The following SLC47A1 variants were observed in gnomAD, a reference collection of about 807,000 sequenced individuals.
SLC47A1 encodes multidrug and toxin extrusion protein 1.
In SLC47A1, 58 loss-of-function variants were observed where a neutral mutation model predicts 65.8. The observed-to-expected ratio is 0.88, with a 90% CI of 0.71 to 1.10. The LOEUF is 1.10. Among genes scored for constraint, SLC47A1 ranks in the 50% least tolerant of loss-of-function variants. SLC47A1 has a pLI of 0.00. For synonymous variants in SLC47A1, 285 were observed against 295.0 expected, an observed-to-expected ratio of 0.97 and a Z score of 0.35; for missense variants, 706 against 719.2, an observed-to-expected ratio of 0.98 and a Z score of 0.21.
chr17:19,572,376 C>T (rs1222194023), intron 15 of SLC47A1, among the ~76,000 whole-genome samples: 1 of 152,138 alleles, frequency 6.6e-6, no homozygotes, highest in Non-Finnish European at 1.5e-5. Context: ...TCGCTGGAGT[C>T]TCAACCTCCT....
chr17:19,534,203 A>G, intron 1 of SLC47A1, 129 bp downstream of exon 1: 1 of 1,246,972 alleles, frequency 8.0e-7, no homozygotes, highest in South Asian at 1.8e-5. Flanking sequence ...TCCGGGGAGC[A>G]TCGTGCCAGG....
chr17:19,557,724 A>C (rs1322874207), intron 10 of SLC47A1: 2 of 447,152 alleles, frequency 4.5e-6, no homozygotes, highest in Admixed American at 2.5e-5. Flanking sequence ...CACAACACAC[A>C]GGGTTTTTCT....
chr17:19,560,227 G>A lies in SLC47A1; in HGVS notation c.961G>A (p.Gly321Arg). The change falls in exon 11 of 17, where the codon GGA becomes AGA. Residue 321 changes from glycine to arginine, a missense_variant. Transcript: ENST00000270570. ...CAGTGTGGCTGCCAGTGTCCGGGTAGGAAACGCTCTGGGTGCTGGAGACAT... is the reference window on the plus strand; with the variant it reads ...CAGTGTGGCTGCCAGTGTCCGGGTAAGAAACGCTCTGGGTGCTGGAGACAT... ...GFSVAASVRVGNALGAGDMEQ... is the reference protein window; with the variant it reads ...GFSVAASVRVRNALGAGDMEQ... The A allele has an allele frequency of 6.2e-7, 1 of 1,613,498 alleles. No homozygotes were observed.
At position 19,577,386 on chromosome 17, in the gene SLC47A1, C is replaced by T. The variant is rs768010759; in HGVS notation, c.1546C>T (p.Gln516Ter). 6.2e-7 allele frequency: 1 copy of T among 1,614,196 alleles called. No individual in the cohort carries two copies. Among genetic ancestry groups the T allele is most frequent in the East Asian group, 2.2e-5 (1 of 44,878 alleles). Residue 516 changes from glutamine (Q) to a stop codon, truncating the protein, a stop_gained, in exon 17 of 17, where the codon CAG (glutamine) becomes TAG (stop). Transcript: ENST00000270570. LOFTEE classifies it low-confidence loss of function (END_TRUNC). The stretch of plus-strand genomic sequence containing the variant: ...CGATGTTGGAAAGACAGGCGAGCCT[C>T]AGTCAGATCAGCAGATGCGCCAAGA... ...TNDVGKTGEPQSDQQMRQEEP... is the reference protein window; with the variant it reads ...TNDVGKTGEP
chr17:19,569,279 C>T (rs1010455453), intron 14 of SLC47A1, among the ~76,000 whole-genome samples: 7 of 151,532 alleles, frequency 4.6e-5, no homozygotes, highest in African/African-American at 1.7e-4. Flanking sequence ...GGCTGAGGCA[C>T]AAGAATTGCT....
intron 15 of SLC47A1, 52 bp from the exon 16 acceptor site, chr17:19,572,728 A>G (rs1386665754): frequency 4.5e-6 from 7 of 1,558,822 alleles, no homozygotes; most frequent in Non-Finnish European, 5.3e-6. Flanking sequence ...GTCAAGTAAA[A>G]TACCATATTA....
intron 6 of SLC47A1, among the ~76,000 whole-genome samples, chr17:19,551,990 G>A (rs1023421040): frequency 2.6e-5 from 4 of 152,218 alleles, no homozygotes; most frequent in Non-Finnish European, 5.9e-5. Context: ...AGGGCCAAAG[G>A]CCATGGCTTG....
chr17:19,554,857 T>C (rs2152314327), intron 6 of SLC47A1, among the ~76,000 whole-genome samples: 1 of 152,314 alleles, frequency 6.6e-6, no homozygotes, highest in Non-Finnish European at 1.5e-5. Context: ...GTATTCTCAT[T>C]TTCTCCTATC....
chr17:19,560,904 G>C lies in SLC47A1; in HGVS notation c.1106+411G>C, dbSNP rs186267385. 3.2e-3 allele frequency among the ~76,000 whole-genome samples: 479 copies of C among 148,520 alleles called. 1 individual carries two copies. The highest frequency in any genetic ancestry group is 0.011 in the African/African-American group (455 of 40,454). ...AAAAAAAAAAAAAAAAAGAAAGAAA[G>C]AAATGGTTCCTCCAAGAGCAAGATG... is the stretch of plus-strand genomic sequence containing the variant. On this transcript the variant is annotated intron_variant, in intron 12 of 16. Coordinates refer to ENST00000270570, the MANE Select transcript of SLC47A1 (RefSeq NM_018242.3).
chr17:19,577,348 G>A lies in SLC47A1; in HGVS notation c.1508G>A (p.Gly503Glu). ...CCAGGGTGCCCTGAAAACCTTGAAG[G>A]AATTTTAACGAACGATGTTGGAAAG... Reference protein sequence around the residue: ...LHPGCPENLEGILTNDVGKTG... With the variant: ...LHPGCPENLEEILTNDVGKTG... Residue 503 changes from glycine (G) to glutamate (E), a missense_variant, in exon 17 of 17, where the codon GGA (glycine) becomes GAA (glutamate). Transcript: ENST00000270570. The A allele has an allele frequency of 6.2e-7, 1 of 1,614,110 alleles. No homozygotes were observed.
chr17:19,577,201 C>A, intron 16 of SLC47A1, 126 bp from the exon 17 acceptor site: 1 of 1,298,354 alleles, frequency 7.7e-7, no homozygotes, highest in Non-Finnish European at 1.0e-6. Flanking sequence ...TATTTATTCA[C>A]TGTAGCAATA....
Position 19,555,586 on chromosome 17 carries a change from T to C in SLC47A1, c.642-7T>C. On this transcript the variant is annotated splice_polypyrimidine_tract_variant and splice_region_variant and intron_variant, in intron 7 of 16. Transcript: ENST00000270570. ...TACCTCCCTCTCATTGGGACTGTTCTTTCCAGAGGCTCTGCACTGGCAAAC... is the reference window on the plus strand; with the variant it reads ...TACCTCCCTCTCATTGGGACTGTTCCTTCCAGAGGCTCTGCACTGGCAAAC... 3 of 1,614,098 alleles carry C rather than the reference T, an allele frequency of 1.9e-6. No individual in the cohort carries two copies. Among genetic ancestry groups the C allele is most frequent in the Non-Finnish European group, 1.7e-6 (2 of 1,179,936 alleles).
At chr17:19,555,562 A>G in intron 7 of SLC47A1, 31 bp from the exon 8 acceptor site, 4 of 1,587,958 alleles carry the variant, frequency 2.5e-6, no homozygotes, top group Non-Finnish European at 3.5e-6. Context: ...GCAGGAAGGT[A>G]CCTCCCTCTC....
chr17:19,552,797 C>G (rs1437696888), intron 6 of SLC47A1, among the ~76,000 whole-genome samples: 6 of 152,104 alleles, frequency 3.9e-5, no homozygotes. Context: ...CGCAGAGTCT[C>G]TTTACGCCAC....
At chr17:19,551,750 G>T (rs539239439) in intron 6 of SLC47A1, among the ~76,000 whole-genome samples, 1 of 152,238 alleles carries the variant, frequency 6.6e-6, no homozygotes, top group Non-Finnish European at 1.5e-5. Context: ...GCTCAGAGCC[G>T]CAGTGTTCCT....
At chr17:19,555,957 T>A in intron 9 of SLC47A1, 38 bp from the exon 10 acceptor site, 2 of 1,614,126 alleles carry the variant, frequency 1.2e-6, no homozygotes, top group Non-Finnish European at 1.7e-6. Flanking sequence ...CTGGGGGCCC[T>A]GTCTGGGTGC....
rs201606109 is a variant in SLC47A1 at position 19,567,062 on chromosome 17, G to A, written c.1177-34G>A. On this transcript the variant is annotated intron_variant, in intron 13 of 16. Coordinates refer to ENST00000270570, the MANE Select transcript of SLC47A1 (RefSeq NM_018242.3). ...TGGGAGTGTTTCAAGAGCGCCGGAT[G>A]TGTTCACAGTGATGGAATGCTCTCT... The A allele has an allele frequency of 4.3e-6, 7 of 1,614,018 alleles. No individual in the cohort carries two copies. The African/African-American group carries it at 6.7e-5, about 15-fold the overall frequency.
Position 19,578,241 on chromosome 17 carries a change from AAAGACTGAT to A in SLC47A1, c.*691_*699del. The A allele has an allele frequency of 2.9e-6, 1 of 345,894 alleles. No homozygotes were observed. The highest frequency in any genetic ancestry group is 5.7e-6 in the Non-Finnish European group (1 of 175,356). The allele number at this position is 345,894 out of a possible 1,614,324, so 21.4% of individuals were successfully genotyped here. ...TCTTTCGAGCTGTGGAAATCCAAACAAAGACTGATAATTCCTGGTAGGGGTGTGTGCGTG... is the reference window on the plus strand; with the variant it reads ...TCTTTCGAGCTGTGGAAATCCAAACAAATTCCTGGTAGGGGTGTGTGCGTG... On this transcript the variant is annotated 3_prime_UTR_variant, in exon 17 of 17. Transcript: ENST00000270570.
At chr17:19,560,609 G>T (rs1355229685) in intron 12 of SLC47A1, 116 bp downstream of exon 12, 15 of 1,096,688 alleles carry the variant, frequency 1.4e-5, no homozygotes, top group Admixed American at 3.7e-5. Context: ...AATCATATCA[G>T]TAAAAAGAAA....
Sources: allele counts gnomAD v4.1 joint callset (sites outside exome capture counted in the v4.1 genomes callset), GRCh38; gene constraint gnomAD v4.1.1; transcripts MANE v1.5; gene names NCBI Gene and HGNC (gene_info 2026-07-23, HGNC 2026-07-21).